The following NEXN variants were observed in gnomAD, a reference collection of about 807,000 sequenced individuals.
The protein encoded by NEXN is nexilin F-actin binding protein.
In NEXN, 65 loss-of-function variants were observed where a neutral mutation model predicts 92.6. That is an observed-to-expected ratio of 0.70 (90% confidence interval 0.57 to 0.86). The LOEUF (loss-of-function observed/expected upper bound fraction) is 0.86, where lower values mean the gene tolerates loss of function less well. Ranked by LOEUF, NEXN falls within the 40% of genes least tolerant of loss-of-function variation. The pLI, the probability that NEXN is intolerant of heterozygous loss-of-function variation, is 0.00. For missense variants in NEXN, 778 were observed against 771.1 expected (o/e 1.01, Z -0.11); for synonymous variants, 254 against 242.5 (o/e 1.05, Z -0.44).
At chr1:77,900,622 A>G (rs1380359690) in intron 1 of NEXN, among the ~76,000 whole-genome samples, 4 of 152,196 alleles carry the variant, frequency 2.6e-5, no homozygotes, top group Admixed American at 6.5e-5. Flanking sequence ...TAATATTGCA[A>G]TATTACCTCT....
chr1:77,928,695 A>G (rs1040797521), intron 8 of NEXN, among the ~76,000 whole-genome samples: 3 of 152,150 alleles, frequency 2.0e-5, no homozygotes, highest in Admixed American at 1.3e-4. Context: ...TACAAAAATT[A>G]CAAAATGAGA....
intron 5 of NEXN, among the ~76,000 whole-genome samples, chr1:77,920,065 A>AT (rs954169817): frequency 3.3e-5 from 5 of 149,590 alleles, no homozygotes; most frequent in Non-Finnish European, 7.4e-5. Flanking sequence ...CTCCCAGCTA[A>AT]TTTTTTTGTA....
Position 77,929,517 on chromosome 1 carries a change from C to G in NEXN, c.1053+13C>G. The stretch of plus-strand genomic sequence containing the variant: ...AAGGAGAAATATGGTAAGACAGAAG[C>G]TAACTGGAGAATGCTATTAGAATTC... On this transcript the variant is annotated intron_variant, in intron 9 of 12. Transcript: ENST00000334785. The G allele has an allele frequency of 6.2e-7, 1 of 1,611,566 alleles. No individual in the cohort carries two copies. The highest frequency in any genetic ancestry group is 1.1e-5 in the South Asian group (1 of 90,768).
Position 77,943,756 on chromosome 1 carries a change from G to T in NEXN, c.*927G>T, listed in dbSNP as rs1651614337. The T allele has an allele frequency of 1.3e-5, 2 of 151,934 alleles. No individual in the cohort carries two copies. The highest frequency in any genetic ancestry group is 4.8e-5 in the African/African-American group (2 of 41,404). The allele number at this position is 151,934 out of a possible 1,614,324, so 9.4% of individuals were successfully genotyped here. On this transcript the variant is annotated 3_prime_UTR_variant, in exon 13 of 13. Coordinates refer to ENST00000334785, the MANE Select transcript of NEXN (RefSeq NM_144573.4). ...TTAGGGAAAAAGTGGCACAACCTTC[G>T]ATTTAAAATTCTAGTCTTTAAAATG...
intron 9 of NEXN, 64 bp downstream of exon 9, chr1:77,929,568 C>T (rs2102134081): frequency 5.0e-6 from 8 of 1,597,624 alleles, no homozygotes; most frequent in Non-Finnish European, 6.8e-6. Context: ...TTAATAGAAT[C>T]ATTAGACTTT....
At chr1:77,908,264 A>T (rs966095402) in intron 1 of NEXN, among the ~76,000 whole-genome samples, 5 of 151,400 alleles carry the variant, frequency 3.3e-5, no homozygotes, top group African/African-American at 1.2e-4. Flanking sequence ...TTCAGTAGAG[A>T]TGAGTCTCGC....
intron 11 of NEXN, among the ~76,000 whole-genome samples, chr1:77,936,297 A>G (rs1650760534): frequency 1.3e-5 from 2 of 152,186 alleles, no homozygotes; most frequent in Non-Finnish European, 2.9e-5. Context: ...ATGTTCAAAA[A>G]TATTTTTTGG....
At chr1:77,933,236 G>A (rs763971530) in intron 9 of NEXN, 46 bp from the exon 10 acceptor site, 9 of 1,136,720 alleles carry the variant, frequency 7.9e-6, no homozygotes, top group African/African-American at 3.1e-5. Context: ...TCCCTTTTTA[G>A]TATGTGTAAT....
chr1:77,908,861 T>C (rs1780044), intron 1 of NEXN, among the ~76,000 whole-genome samples: 108,463 of 152,052 alleles, frequency 0.71, 39,883 homozygotes, highest in Non-Finnish European at 0.82. Context: ...TGCTCTCAGC[T>C]AATCCTAACT....
In NEXN at chr1:77,926,567, C is replaced by G. The variant is rs1557981819; in HGVS notation, c.643C>G (p.Gln215Glu). The change falls in exon 7 of 13, where the codon CAA becomes GAA. Residue 215 changes from glutamine to glutamate, a missense_variant. By Grantham distance (29) the Gln-to-Glu change is conservative (BLOSUM62 2). Around this residue, in one of 3 missense-constraint regions of NEXN, gnomAD observed 236 missense variants for 265.6 expected, o/e 0.89. Coordinates refer to ENST00000334785, the MANE Select transcript of NEXN (RefSeq NM_144573.4). ...EEDKRIRYEE[Q>E]RPSLKEAKCL... ...AGATAAAAGAATAAGATATGAAGAA[C>G]AACGACCATCTCTCAAGGAAGCAAA... 1.2e-6 allele frequency: 2 copies of G among 1,613,856 alleles called. No homozygotes were observed. The highest frequency in any genetic ancestry group is 1.7e-4 in the Middle Eastern group (1 of 6,058).
chr1:77,910,528 G>A (rs770695973), intron 1 of NEXN, among the ~76,000 whole-genome samples: 2 of 151,968 alleles, frequency 1.3e-5, no homozygotes, highest in Admixed American at 6.6e-5. Flanking sequence ...CAAGGCAGGC[G>A]GATCACGAGG....
intron 11 of NEXN, 151 bp from the exon 12 acceptor site, chr1:77,941,872 A>T: frequency 1.4e-6 from 1 of 690,394 alleles, no homozygotes; most frequent in Non-Finnish European, 2.5e-6. Context: ...TGAACTGGAG[A>T]GTTAGAAAAA....
intron 5 of NEXN, among the ~76,000 whole-genome samples, chr1:77,919,135 C>G (rs971080806): frequency 1.3e-5 from 2 of 152,166 alleles, no homozygotes; most frequent in South Asian, 4.1e-4. Flanking sequence ...GATGCAAAAG[C>G]GGAAACCTCT....
intron 11 of NEXN, among the ~76,000 whole-genome samples, chr1:77,941,465 G>T (rs1651300850): frequency 6.6e-6 from 1 of 151,990 alleles, no homozygotes; most frequent in Admixed American, 6.6e-5. Context: ...TTTACTTAGT[G>T]ATTTCCCCAT....
rs71075777 is a variant in NEXN at position 77,919,582 on chromosome 1, A to ATT, written c.447+1326_447+1327dup. 1.6e-3 allele frequency among the ~76,000 whole-genome samples: 217 copies of ATT among 131,942 alleles called. 4 individuals are homozygous for ATT. Among genetic ancestry groups the ATT allele is most frequent in the South Asian group, 2.5e-3 (10 of 4,044 alleles). 86.6% of individuals were successfully genotyped at this position (131,942 alleles called of 152,430 possible). On this transcript the variant is annotated intron_variant, in intron 5 of 12. Transcript: ENST00000334785. ...AAGTCTGAAATCCAGCAGGTCAGTC[A>ATT]TTTTTTTTTTTTTTTTTTGAGACGG... is the stretch of plus-strand genomic sequence containing the variant.
intron 1 of NEXN, among the ~76,000 whole-genome samples, chr1:77,895,128 T>C (rs532392093): frequency 1.3e-4 from 17 of 128,906 alleles, no homozygotes; most frequent in African/African-American, 4.4e-4. Context: ...CACTGCAAAC[T>C]CCGCCTCCCA....
At position 77,935,982 on chromosome 1, in the gene NEXN, C is replaced by T. The variant is rs777418673; in HGVS notation, c.1411C>T (p.Arg471Ter). 10 of 1,613,548 alleles carry T rather than the reference C, an allele frequency of 6.2e-6. No homozygotes were observed. The highest frequency in any genetic ancestry group is 1.7e-5 in the Admixed American group (1 of 59,944). Residue 471 changes from arginine to a stop codon, truncating the protein, a stop_gained, in exon 11 of 13, where the codon CGA becomes TGA. Transcript: ENST00000334785. LOFTEE classifies it high-confidence loss of function. ...KEIQKKIEEE[R>*]ARRRAIDLEI... ...AATACAGAAAAAAATAGAAGAAGAG[C>T]GAGCAAGAAGGAGAGCAATTGACCT...
intron 11 of NEXN, among the ~76,000 whole-genome samples, chr1:77,940,474 TA>T (rs1245757637): frequency 1.3e-5 from 2 of 152,228 alleles, no homozygotes; most frequent in African/African-American, 2.4e-5. Flanking sequence ...GAACTGTGCA[TA>T]AATTTTCAGC....
chr1:77,943,255 A>T lies in NEXN; in HGVS notation c.*426A>T, dbSNP rs1316538013. On this transcript the variant is annotated 3_prime_UTR_variant, in exon 13 of 13. Transcript: ENST00000334785. ...ACAAAAACAAAAAAAAAACACACAA[A>T]CCTAAGTAGAATACATTATTTTGCA... 2 of 218,266 alleles carry T rather than the reference A, an allele frequency of 9.2e-6. No homozygotes were observed. Among genetic ancestry groups the T allele is most frequent in the Non-Finnish European group, 1.9e-5 (2 of 107,650 alleles). The allele number at this position is 218,266 out of a possible 1,614,324, so 13.5% of individuals were successfully genotyped here. A position where few individuals can be genotyped will look rare whatever the true frequency, so the allele number is the denominator to read the frequency against.
Sources: gnomAD v4.1 joint callset for allele counts (sites outside exome capture counted in the v4.1 genomes callset) on GRCh38, gnomAD v4.1.1 for gene constraint, gnomAD v4.1.1 regional missense constraint, MANE v1.5 for transcripts, NCBI Gene and HGNC (gene_info 2026-07-23, HGNC 2026-07-21) for gene names.